Variants in THSD4 observed in about 807,000 individuals in gnomAD.
THSD4 encodes thrombospondin type 1 domain containing 4, also known as thrombospondin type-1 domain-containing protein 4.
In THSD4, 69 loss-of-function variants were observed where a neutral mutation model predicts 119.0. That is an observed-to-expected ratio of 0.58 (90% CI 0.48 to 0.71). THSD4 has a LOEUF of 0.71. Ranked by LOEUF, THSD4 falls within the 30% of genes least tolerant of loss-of-function variation. The probability of loss-of-function intolerance (pLI) is 0.00; values close to 1 mark genes in which losing one functional copy is unlikely to be tolerated. For synonymous variants in THSD4, 524 were observed against 540.4 expected (o/e 0.97, Z 0.42); for missense variants, 1,393 against 1,391.1 (o/e 1.00, Z -0.02).
chr15:71,587,787 T>TAAAAAAAAAAAAAAAAAAAA (rs1207231444), intron 7 of THSD4, among the ~76,000 whole-genome samples: 3 of 105,542 alleles, frequency 2.8e-5, no homozygotes, highest in Non-Finnish European at 3.9e-5. Context: ...AAAAAAAAAT[T>TAAAAAAAAAAAAAAAAAAAA]AAAAAAAAAA....
At chr15:71,657,542 A>G (rs905202872) in intron 7 of THSD4, among the ~76,000 whole-genome samples, 17 of 152,306 alleles carry the variant, frequency 1.1e-4, no homozygotes, top group African/African-American at 4.1e-4. Context: ...TTTGTGAAGT[A>G]AAGGAGAGAT....
At chr15:71,262,752 T>A (rs1015153659) in intron 6 of THSD4, among the ~76,000 whole-genome samples, 1 of 152,182 alleles carries the variant, frequency 6.6e-6, no homozygotes, top group African/African-American at 2.4e-5. Flanking sequence ...GGCTGGCTTA[T>A]GTTACAGTAA....
chr15:71,580,679 C>A (rs2049541207), intron 7 of THSD4, among the ~76,000 whole-genome samples: 1 of 152,186 alleles, frequency 6.6e-6, no homozygotes, highest in African/African-American at 2.4e-5. Flanking sequence ...AACCACCATT[C>A]TACTCTCTGC....
chr15:71,720,678 A>G (rs2052705260), intron 8 of THSD4, among the ~76,000 whole-genome samples: 1 of 152,132 alleles, frequency 6.6e-6, no homozygotes, highest in African/African-American at 2.4e-5. Context: ...ACATTCTGAG[A>G]CCCATTTGGG....
At chr15:71,643,816 C>A (rs967658089) in intron 7 of THSD4, among the ~76,000 whole-genome samples, 10 of 152,216 alleles carry the variant, frequency 6.6e-5, no homozygotes, top group Non-Finnish European at 8.8e-5. Flanking sequence ...AATTTACAAC[C>A]TTTGAAGAGT....
At chr15:71,261,843 A>T (rs2044403688) in intron 6 of THSD4, among the ~76,000 whole-genome samples, 1 of 152,220 alleles carries the variant, frequency 6.6e-6, no homozygotes, top group Non-Finnish European at 1.5e-5. Context: ...ATGGTCACTG[A>T]CATTGATATT....
chr15:71,160,186 A>G (rs942175601), intron 3 of THSD4, among the ~76,000 whole-genome samples: 9 of 151,504 alleles, frequency 5.9e-5, no homozygotes, highest in African/African-American at 1.9e-4. Context: ...ATATTAGTGA[A>G]TAATATTTAT....
intron 3 of THSD4, among the ~76,000 whole-genome samples, chr15:71,207,803 T>C (rs556095320): frequency 3.0e-4 from 45 of 152,302 alleles, no homozygotes; most frequent in South Asian, 6.2e-4. Context: ...CCTGAAACCA[T>C]CTCTACCCCC....
chr15:71,293,172 G>A (rs988417318), intron 6 of THSD4, among the ~76,000 whole-genome samples: 1 of 152,186 alleles, frequency 6.6e-6, no homozygotes, highest in East Asian at 1.9e-4. Flanking sequence ...GTGCCGTGCA[G>A]CTCAGCATGC....
intron 4 of THSD4, among the ~76,000 whole-genome samples, chr15:71,224,468 G>A (rs1045641729): frequency 6.6e-5 from 10 of 152,168 alleles, no homozygotes; most frequent in African/African-American, 1.2e-4. Flanking sequence ...CTACCACCCC[G>A]TCTCTGTCAA....
chr15:71,341,537 G>A (rs1174463811), intron 6 of THSD4: 1 of 1,610,592 alleles, frequency 6.2e-7, no homozygotes, highest in East Asian at 2.2e-5. Context: ...ATGTCGGAAT[G>A]GTACACACTG....
At chr15:71,683,715 C>G (rs757573184) in intron 8 of THSD4, among the ~76,000 whole-genome samples, 1 of 152,170 alleles carries the variant, frequency 6.6e-6, no homozygotes, top group Non-Finnish European at 1.5e-5. Context: ...TGGCTTACAC[C>G]TGTAATCCCA....
chr15:71,367,439 C>A (rs574480861), intron 6 of THSD4, among the ~76,000 whole-genome samples: 1 of 152,182 alleles, frequency 6.6e-6, no homozygotes, highest in African/African-American at 2.4e-5. Context: ...CTATCCCTCC[C>A]CACCCCACGA....
intron 2 of THSD4, among the ~76,000 whole-genome samples, chr15:71,148,170 G>T (rs1226461540): frequency 6.6e-6 from 1 of 152,176 alleles, no homozygotes; most frequent in Admixed American, 6.5e-5. Context: ...AGCCAGGCAG[G>T]CCTTTTCCCG....
In THSD4 at chr15:71,108,203, T is replaced by TGG. The variant is rs2040282052; in HGVS notation, c.-80+11197_-80+11198insGG. Among the ~76,000 whole-genome samples, 3 of 152,264 alleles carry TGG rather than the reference T, an allele frequency of 2.0e-5. No individual in the cohort carries two copies. In the South Asian group the frequency reaches 6.2e-4, roughly 32 times the overall value. ...CTGGAGGTGGGAGCTGTCCCAGTGCTATGGAAGAAATGCTTCTCAGGCCTC... is the reference window on the plus strand; with the variant it reads ...CTGGAGGTGGGAGCTGTCCCAGTGCTGGATGGAAGAAATGCTTCTCAGGCCTC... On this transcript the variant is annotated intron_variant, in intron 1 of 17. Coordinates refer to the THSD4 transcript ENST00000355327.
intron 6 of THSD4, among the ~76,000 whole-genome samples, chr15:71,327,333 C>T (rs1023239576): frequency 1.3e-5 from 2 of 152,186 alleles, no homozygotes; most frequent in African/African-American, 4.8e-5. Flanking sequence ...CAAACAGCTC[C>T]TGTCAGCTAA....
Position 71,292,405 on chromosome 15 carries a change from C to T in THSD4, c.1015+35690C>T, listed in dbSNP as rs993320237. Among the ~76,000 whole-genome samples the T allele has an allele frequency of 2.0e-5, 3 of 152,018 alleles. No homozygotes were observed. In the East Asian group the frequency reaches 5.8e-4, roughly 29 times the overall value. The stretch of plus-strand genomic sequence containing the variant: ...TTGATACTTTCCTTCTTTGTATATT[C>T]TCTGTTCTTTATTTCTGGAATGCTG... On this transcript the variant is annotated intron_variant, in intron 6 of 17. Coordinates refer to ENST00000261862, the MANE Select transcript of THSD4 (RefSeq NM_024817.3).
chr15:71,438,626 TCCA>T (rs1456852480), intron 7 of THSD4, among the ~76,000 whole-genome samples: 7 of 152,236 alleles, frequency 4.6e-5, no homozygotes, highest in African/African-American at 1.7e-4. Context: ...AATTGAATAG[TCCA>T]CCTTGCCCCC....
chr15:71,408,621 G>A (rs1288030101), intron 6 of THSD4, among the ~76,000 whole-genome samples: 1 of 152,136 alleles, frequency 6.6e-6, no homozygotes, highest in Non-Finnish European at 1.5e-5. Context: ...GGAGGCCGAG[G>A]CAGAAGGATC....
Sources: allele counts gnomAD v4.1 joint callset (sites outside exome capture counted in the v4.1 genomes callset), GRCh38; gene constraint gnomAD v4.1.1; transcripts MANE v1.5; gene names NCBI Gene and HGNC (gene_info 2026-07-23, HGNC 2026-07-21).